Variants in PLCB1 observed in about 807,000 individuals in gnomAD.
The protein encoded by PLCB1 is phospholipase C beta 1.
Under a neutral mutation model 161.8 loss-of-function variants are expected in PLCB1, and 46 were observed. The ratio of observed to expected loss-of-function variants is 0.28; its 90% CI spans 0.22 to 0.36. PLCB1 has a LOEUF of 0.36. PLCB1 is among the 10% of genes least tolerant of loss of function. PLCB1 has a pLI of 1.00. For missense variants in PLCB1, 1,016 were observed against 1,472.5 expected (o/e 0.69, Z 5.07); for synonymous variants, 517 against 503.7 (o/e 1.03, Z -0.35).
chr20:8,329,545 CAA>C (rs1985288817), intron 2 of PLCB1, among the ~76,000 whole-genome samples: 1 of 152,088 alleles, frequency 6.6e-6, no homozygotes, highest in African/African-American at 2.4e-5. Context: ...TTCAGACAAT[CAA>C]AATGTTTTCT....
chr20:8,321,091 G>A (rs73591704), intron 2 of PLCB1, among the ~76,000 whole-genome samples: 7,584 of 152,066 alleles, frequency 0.05, 664 homozygotes, highest in African/African-American at 0.17. Context: ...CTCAATGTTC[G>A]GCTCATACTC....
intron 3 of PLCB1, among the ~76,000 whole-genome samples, chr20:8,515,626 G>C (rs1307712970): frequency 1.3e-5 from 2 of 152,100 alleles, no homozygotes; most frequent in African/African-American, 4.8e-5. Context: ...TTAGTGCCTT[G>C]ATCAGAAATA....
At chr20:8,867,603 C>T (rs1421487387) in intron 31 of PLCB1, among the ~76,000 whole-genome samples, 1 of 152,128 alleles carries the variant, frequency 6.6e-6, no homozygotes, top group Non-Finnish European at 1.5e-5. Flanking sequence ...CTGGTGGTGT[C>T]TTTCTTAGCC....
rs200136378 is a variant in PLCB1 at position 8,320,819 on chromosome 20, G to A, written c.178-50563G>A. 5.0e-4 allele frequency among the ~76,000 whole-genome samples: 39 copies of A among 78,126 alleles called. No individual in the cohort carries two copies. In the East Asian group the frequency reaches 0.011, roughly 22 times the overall value. 51.3% of individuals were successfully genotyped at this position (78,126 alleles called of 152,430 possible). A position where few individuals can be genotyped will look rare whatever the true frequency, so the allele number is the denominator to read the frequency against. ...GAAAGAAGAAAGAAAGAAAGAAAGGGAGGGAGGGAGAGAGGGAGGGAGGGA... is the reference window on the plus strand; with the variant it reads ...GAAAGAAGAAAGAAAGAAAGAAAGGAAGGGAGGGAGAGAGGGAGGGAGGGA... On this transcript the variant is annotated intron_variant, in intron 2 of 31. Coordinates refer to ENST00000338037, the MANE Select transcript of PLCB1 (RefSeq NM_015192.4).
intron 3 of PLCB1, among the ~76,000 whole-genome samples, chr20:8,595,175 G>A (rs933321596): frequency 1.3e-5 from 2 of 150,674 alleles, no homozygotes; most frequent in South Asian, 2.1e-4. Context: ...ATGTATACAT[G>A]TGCCATGCTG....
At chr20:8,550,557 T>C (rs758394885) in intron 3 of PLCB1, among the ~76,000 whole-genome samples, 3 of 152,162 alleles carry the variant, frequency 2.0e-5, no homozygotes, top group Non-Finnish European at 4.4e-5. Context: ...CATGCAGAAC[T>C]GTCAGTCAAT....
chr20:8,354,936 A>G (rs1986313225), intron 2 of PLCB1, among the ~76,000 whole-genome samples: 1 of 152,156 alleles, frequency 6.6e-6, no homozygotes, highest in South Asian at 2.1e-4. Flanking sequence ...GATCCTACAT[A>G]TATTAGAGAA....
chr20:8,195,177 G>A (rs1272760069), intron 2 of PLCB1, among the ~76,000 whole-genome samples: 3 of 151,918 alleles, frequency 2.0e-5, no homozygotes, highest in Non-Finnish European at 4.4e-5. Flanking sequence ...GCTATTAGTA[G>A]AAAATCTTTT....
At position 8,704,174 on chromosome 20, in the gene PLCB1, CA is replaced by C. The variant is rs553338002; in HGVS notation, c.1168-4492del. 3.3e-3 allele frequency among the ~76,000 whole-genome samples: 499 copies of C among 152,142 alleles called. 4 individuals carry two copies. The highest frequency in any genetic ancestry group is 0.011 in the African/African-American group (475 of 41,532). ...TTCGAAACCAGCCTGGTCAACATGG[CA>C]AAACCCCATCTCTACTAAAAATACA... On this transcript the variant is annotated intron_variant, in intron 11 of 31. Transcript: ENST00000338037.
At chr20:8,530,120 G>A (rs548917856) in intron 3 of PLCB1, among the ~76,000 whole-genome samples, 8 of 152,102 alleles carry the variant, frequency 5.3e-5, no homozygotes, top group Non-Finnish European at 1.0e-4. Flanking sequence ...GCATCTTTTC[G>A]GATGTTTATT....
At chr20:8,587,537 C>T (rs1987027112) in intron 3 of PLCB1, among the ~76,000 whole-genome samples, 1 of 152,146 alleles carries the variant, frequency 6.6e-6, no homozygotes, top group Admixed American at 6.5e-5. Context: ...AAAACCATTC[C>T]TTACTGAAGA....
intron 8 of PLCB1, among the ~76,000 whole-genome samples, chr20:8,657,604 G>C (rs766666124): frequency 6.6e-6 from 1 of 152,024 alleles, no homozygotes; most frequent in Non-Finnish European, 1.5e-5. Flanking sequence ...CATGTCGCAG[G>C]AAGAACTCTG....
intron 3 of PLCB1, among the ~76,000 whole-genome samples, chr20:8,626,055 A>T (rs1199100257): frequency 6.6e-6 from 1 of 151,620 alleles, no homozygotes; most frequent in Non-Finnish European, 1.5e-5. Flanking sequence ...GCACACCCCT[A>T]TAGTCCCAGC....
rs116497058 is a variant in PLCB1, at chr20:8,460,411, C to T, written c.246+88961C>T. On this transcript the variant is annotated intron_variant, in intron 3 of 31. Coordinates refer to ENST00000338037, the MANE Select transcript of PLCB1 (RefSeq NM_015192.4). Reference sequence around the variant, plus strand: ...CCCACTCAGAGCTTTGTGAATTCTTCTTGTAAATTATGATGCCTATTCAAG... The same window carrying T: ...CCCACTCAGAGCTTTGTGAATTCTTTTTGTAAATTATGATGCCTATTCAAG... 7.9e-3 allele frequency among the ~76,000 whole-genome samples: 1,206 copies of T among 152,272 alleles called. 21 individuals are homozygous for T. Among genetic ancestry groups the T allele is most frequent in the African/African-American group, 0.027 (1,123 of 41,548 alleles).
intron 13 of PLCB1, 70 bp from the exon 14 acceptor site, chr20:8,717,601 T>TGGTATCCACA: frequency 3.3e-6 from 4 of 1,201,154 alleles, no homozygotes; most frequent in Non-Finnish European, 4.8e-6. Flanking sequence ...ACAGCTGATC[T>TGGTATCCACA]GGGGGTCTGG....
Position 8,635,361 on chromosome 20 carries a change from G to A in PLCB1, c.384+6930G>A, listed in dbSNP as rs533639160. Among the ~76,000 whole-genome samples, 8 of 152,254 alleles carry A rather than the reference G, an allele frequency of 5.3e-5. No individual in the cohort carries two copies. In the South Asian group the frequency reaches 1.2e-3, roughly 24 times the overall value. On this transcript the variant is annotated intron_variant, in intron 4 of 31. Coordinates refer to ENST00000338037, the MANE Select transcript of PLCB1 (RefSeq NM_015192.4). ...CTCTTGAAAATAAGTGATAGGTCAC[G>A]TACAATCTTAGAGTCATAGTGGCTT...
intron 31 of PLCB1, among the ~76,000 whole-genome samples, chr20:8,834,147 G>T (rs1039319654): frequency 6.6e-6 from 1 of 152,190 alleles, no homozygotes; most frequent in African/African-American, 2.4e-5. Context: ...CTGGGGAAGT[G>T]AGGGGAAAGA....
At chr20:8,723,618 A>G (rs1979768281) in intron 15 of PLCB1, among the ~76,000 whole-genome samples, 1 of 152,194 alleles carries the variant, frequency 6.6e-6, no homozygotes, top group South Asian at 2.1e-4. Context: ...AAGCTCCTTC[A>G]CATAAATTAA....
chr20:8,362,769 A>T (rs1410285736), intron 2 of PLCB1, among the ~76,000 whole-genome samples: 1 of 152,186 alleles, frequency 6.6e-6, no homozygotes, highest in Non-Finnish European at 1.5e-5. Context: ...TGTTATATTT[A>T]TTTATCATGA....
Sources: allele counts gnomAD v4.1 joint callset (sites outside exome capture counted in the v4.1 genomes callset), GRCh38; gene constraint gnomAD v4.1.1; transcripts MANE v1.5; gene names NCBI Gene and HGNC (gene_info 2026-07-23, HGNC 2026-07-21).